Variants in KCNIP4 observed in about 807,000 individuals in gnomAD.
KCNIP4 encodes Kv channel-interacting protein 4.
In KCNIP4, 12 loss-of-function variants were observed where a neutral mutation model predicts 34.0. The observed-to-expected ratio is 0.35, with a 90% confidence interval of 0.23 to 0.57. KCNIP4 has a LOEUF of 0.57. Among genes scored for constraint, KCNIP4 ranks in the 20% least tolerant of loss-of-function variants. The probability of loss-of-function intolerance (pLI) is 0.83; values close to 1 mark genes in which losing one functional copy is unlikely to be tolerated. For synonymous variants in KCNIP4, 124 were observed against 102.2 expected (o/e 1.21, Z -1.29); for missense variants, 238 against 311.7 (o/e 0.76, Z 1.78).
At chr4:21,871,901 G>A (rs1462506616) in intron 1 of KCNIP4, among the ~76,000 whole-genome samples, 1 of 151,550 alleles carries the variant, frequency 6.6e-6, no homozygotes, top group African/African-American at 2.4e-5. Flanking sequence ...TCAGGGTTGA[G>A]CCCAGTCTTT....
intron 1 of KCNIP4, among the ~76,000 whole-genome samples, chr4:21,661,602 T>C (rs1748458464): frequency 6.6e-6 from 1 of 152,146 alleles, no homozygotes. Flanking sequence ...GTAGTTGTTA[T>C]TACATCTATC....
chr4:21,031,207 G>T (rs1210977037), intron 1 of KCNIP4, among the ~76,000 whole-genome samples: 1 of 152,118 alleles, frequency 6.6e-6, no homozygotes, highest in Non-Finnish European at 1.5e-5. Flanking sequence ...TACTTCCCAA[G>T]TTCCTTGCAC....
At chr4:20,869,981 A>C (rs1467576810) in intron 2 of KCNIP4, among the ~76,000 whole-genome samples, 1 of 152,134 alleles carries the variant, frequency 6.6e-6, no homozygotes, top group Non-Finnish European at 1.5e-5. Context: ...AATGTGTATA[A>C]AACATGTAAA....
At chr4:21,398,088 T>C (rs1165487325) in intron 1 of KCNIP4, among the ~76,000 whole-genome samples, 1 of 152,202 alleles carries the variant, frequency 6.6e-6, no homozygotes, top group Non-Finnish European at 1.5e-5. Flanking sequence ...GGCTGGGGCC[T>C]GTCGGACTCT....
chr4:21,878,519 C>G (rs1280664869), intron 1 of KCNIP4, among the ~76,000 whole-genome samples: 3 of 152,174 alleles, frequency 2.0e-5, no homozygotes, highest in African/African-American at 7.2e-5. Flanking sequence ...TACCATCACC[C>G]TTTCAAGAAG....
intron 1 of KCNIP4, among the ~76,000 whole-genome samples, chr4:21,133,260 A>G (rs1431669161): frequency 6.6e-6 from 1 of 152,120 alleles, no homozygotes; most frequent in Non-Finnish European, 1.5e-5. Context: ...TTAATGCTTT[A>G]TTTTCAAAAC....
At chr4:21,699,455 G>C (rs551796399) in intron 1 of KCNIP4, among the ~76,000 whole-genome samples, 1 of 152,276 alleles carries the variant, frequency 6.6e-6, no homozygotes, top group South Asian at 2.1e-4. Flanking sequence ...GTTGAACCAG[G>C]AGAGAACATT....
intron 5 of KCNIP4, among the ~76,000 whole-genome samples, 183 bp downstream of exon 5, chr4:20,749,473 ATAAACT>A (rs1753174255): frequency 6.6e-6 from 1 of 152,198 alleles, no homozygotes; most frequent in Non-Finnish European, 1.5e-5. Context: ...GCATTAGAAA[ATAAACT>A]GAATGTGGCT....
intron 1 of KCNIP4, among the ~76,000 whole-genome samples, chr4:21,231,623 G>A (rs11944996): frequency 0.22 from 33,050 of 152,024 alleles, 6,151 homozygotes; most frequent in African/African-American, 0.51. Context: ...TCTGGTAGTA[G>A]TAGGAGACCA....
At chr4:20,968,902 T>C (rs936408941) in intron 1 of KCNIP4, among the ~76,000 whole-genome samples, 13 of 152,086 alleles carry the variant, frequency 8.5e-5, no homozygotes, top group African/African-American at 3.1e-4. Context: ...GTTGTACACA[T>C]GTACCCTAGA....
intron 3 of KCNIP4, among the ~76,000 whole-genome samples, chr4:20,804,135 G>A (rs1714769633): frequency 6.6e-6 from 1 of 152,132 alleles, no homozygotes; most frequent in South Asian, 2.1e-4. Flanking sequence ...ATGTTCCCAA[G>A]ACTGCACAAA....
At chr4:21,189,771 A>G (rs1755494260) in intron 1 of KCNIP4, among the ~76,000 whole-genome samples, 1 of 152,238 alleles carries the variant, frequency 6.6e-6, no homozygotes, top group Non-Finnish European at 1.5e-5. Context: ...ACTCAGATTT[A>G]TAAAATCATT....
chr4:21,314,240 G>T (rs1255765904), intron 1 of KCNIP4, among the ~76,000 whole-genome samples: 1 of 152,126 alleles, frequency 6.6e-6, no homozygotes. Context: ...TCTTTTCAGG[G>T]CTTGGCCGAT....
At chr4:21,747,962 A>G (rs1379630270) in intron 1 of KCNIP4, among the ~76,000 whole-genome samples, 1 of 152,176 alleles carries the variant, frequency 6.6e-6, no homozygotes, top group African/African-American at 2.4e-5. Flanking sequence ...CAAGGCTGCC[A>G]CAAGCCAAGG....
intron 1 of KCNIP4, among the ~76,000 whole-genome samples, chr4:21,830,283 G>T (rs80177058): frequency 3.9e-5 from 6 of 152,046 alleles, no homozygotes; most frequent in Admixed American, 6.5e-5. Context: ...TTCATCAGGA[G>T]AATATAACAA....
intron 1 of KCNIP4, among the ~76,000 whole-genome samples, chr4:21,217,762 T>C (rs1204498623): frequency 6.6e-6 from 1 of 151,968 alleles, no homozygotes; most frequent in Non-Finnish European, 1.5e-5. Context: ...AGAAGGAAAA[T>C]GACAACCCTG....
chr4:21,776,463 A>T (rs1719187582), intron 1 of KCNIP4, among the ~76,000 whole-genome samples: 1 of 152,196 alleles, frequency 6.6e-6, no homozygotes, highest in Non-Finnish European at 1.5e-5. Flanking sequence ...GTGAAGTAGA[A>T]AGTGTGGTGA....
At chr4:20,744,426 C>T (rs529528931) in intron 5 of KCNIP4, among the ~76,000 whole-genome samples, 1 of 150,836 alleles carries the variant, frequency 6.6e-6, no homozygotes, top group East Asian at 2.0e-4. Flanking sequence ...GAAAATATGG[C>T]ACTATACAGC....
At chr4:21,651,974 C>G (rs1747517301) in intron 1 of KCNIP4, among the ~76,000 whole-genome samples, 1 of 152,026 alleles carries the variant, frequency 6.6e-6, no homozygotes, top group South Asian at 2.1e-4. Context: ...GTCATTATTA[C>G]TAGTTGTTTA....
Sources: gnomAD v4.1 joint callset for allele counts (sites outside exome capture counted in the v4.1 genomes callset) on GRCh38, gnomAD v4.1.1 for gene constraint, MANE v1.5 for transcripts, NCBI Gene and HGNC (gene_info 2026-07-23, HGNC 2026-07-21) for gene names.